DLGAP2: variants seen among roughly 807,000 people sequenced by gnomAD.
The protein encoded by DLGAP2 is DLG associated protein 2.
A neutral mutation model predicts 100.3 loss-of-function variants in DLGAP2; 26 were observed. The ratio of observed to expected loss-of-function variants is 0.26; its 90% confidence interval spans 0.19 to 0.36. The LOEUF (loss-of-function observed/expected upper bound fraction) is 0.36, where lower values mean the gene tolerates loss of function less well. Among genes scored for constraint, DLGAP2 ranks in the 10% least tolerant of loss-of-function variants. The pLI is 1.00. For synonymous variants in DLGAP2, 886 were observed against 630.1 expected (o/e 1.41, Z -6.08); for missense variants, 1,858 against 1,453.2 (o/e 1.28, Z -4.53).
At chr8:931,241 A>C (rs1372880904) in intron 2 of DLGAP2, among the ~76,000 whole-genome samples, 1 of 152,170 alleles carries the variant, frequency 6.6e-6, no homozygotes, top group African/African-American at 2.4e-5. Context: ...CAGCGTGTGC[A>C]GCTGACACGG....
chr8:848,899 TGCCTGTTCCAGCATAGGAA>T (rs1797123606), intron 1 of DLGAP2, among the ~76,000 whole-genome samples: 14 of 136,354 alleles, frequency 1.0e-4, no homozygotes, highest in East Asian at 3.3e-4. Flanking sequence ...GAACGCGCGG[TGCCTGTTCCAGCATAGGAA>T]CGCGCGGTGC....
At chr8:1,385,805 C>G (rs1335216923) in intron 3 of DLGAP2, among the ~76,000 whole-genome samples, 3 of 152,010 alleles carry the variant, frequency 2.0e-5, no homozygotes, top group African/African-American at 7.2e-5. Flanking sequence ...GTGCCCGGCC[C>G]CTGAGAACTT....
At chr8:1,645,006 G>T (rs1470894204) in intron 8 of DLGAP2, among the ~76,000 whole-genome samples, 1 of 152,188 alleles carries the variant, frequency 6.6e-6, no homozygotes, top group Non-Finnish European at 1.5e-5. Context: ...ACTTTGGAAG[G>T]GTCACTTAAG....
intron 4 of DLGAP2, among the ~76,000 whole-genome samples, chr8:1,507,504 C>G (rs1031801157): frequency 5.3e-5 from 8 of 152,180 alleles, no homozygotes; most frequent in Non-Finnish European, 1.0e-4. Flanking sequence ...GCCCACACCT[C>G]TCCCTCCACG....
chr8:1,267,394 C>G (rs778216912), intron 3 of DLGAP2, among the ~76,000 whole-genome samples: 1 of 150,414 alleles, frequency 6.6e-6, no homozygotes, highest in Non-Finnish European at 1.5e-5. Context: ...GGTGAAACCC[C>G]ATCTCTACTG....
At chr8:1,241,094 A>G (rs867885890) in intron 2 of DLGAP2, among the ~76,000 whole-genome samples, 7 of 83,992 alleles carry the variant, frequency 8.3e-5, no homozygotes, top group African/African-American at 3.4e-4. Context: ...TAGTTCTCTC[A>G]CATGGCGCCG....
At chr8:1,260,242 T>C (rs1481814047) in intron 3 of DLGAP2, among the ~76,000 whole-genome samples, 1 of 152,190 alleles carries the variant, frequency 6.6e-6, no homozygotes, top group African/African-American at 2.4e-5. Context: ...ATAACTTCCA[T>C]TGCCATTCCC....
intron 2 of DLGAP2, among the ~76,000 whole-genome samples, chr8:1,079,963 G>A (rs190263768): frequency 3.9e-5 from 6 of 152,336 alleles, no homozygotes; most frequent in Admixed American, 3.3e-4. Context: ...CCTCTCTAAC[G>A]TGGGTCCTGG....
At position 1,699,298 on chromosome 8, in the gene DLGAP2, C is replaced by T. The variant is rs184215654; in HGVS notation, c.2950-1890C>T. Among the ~76,000 whole-genome samples the T allele has an allele frequency of 2.4e-3, 363 of 151,920 alleles. 2 individuals carry two copies. The highest frequency in any genetic ancestry group is 8.1e-3 in the African/African-American group (336 of 41,436). On this transcript the variant is annotated intron_variant, in intron 14 of 14. Transcript: ENST00000637795. ...CATCCTGGCTAACACGGTGAAACCC[C>T]ATCTCTACTAAAAATACACAAAATT... is the stretch of plus-strand genomic sequence containing the variant.
intron 2 of DLGAP2, among the ~76,000 whole-genome samples, chr8:948,241 C>T (rs1584915091): frequency 6.6e-6 from 1 of 152,206 alleles, no homozygotes; most frequent in African/African-American, 2.4e-5. Context: ...GGAGGCTCCC[C>T]CTACGGCCCT....
chr8:1,091,326 T>C (rs1804174293), intron 2 of DLGAP2, among the ~76,000 whole-genome samples: 1 of 152,200 alleles, frequency 6.6e-6, no homozygotes, highest in South Asian at 2.1e-4. Flanking sequence ...TGTACAAAAA[T>C]GTTCAGAAGC....
At chr8:976,551 G>T (rs1472123471) in intron 2 of DLGAP2, among the ~76,000 whole-genome samples, 3 of 152,172 alleles carry the variant, frequency 2.0e-5, no homozygotes, top group Non-Finnish European at 4.4e-5. Context: ...GGTGGAGCTT[G>T]CAGTGAGGCG....
chr8:1,499,260 C>G (rs867260772), intron 3 of DLGAP2, among the ~76,000 whole-genome samples: 14 of 152,210 alleles, frequency 9.2e-5, no homozygotes, highest in Non-Finnish European at 1.6e-4. Flanking sequence ...GCGGAGTGCT[C>G]ATGCTTGTCA....
At chr8:1,536,700 C>T (rs114578847) in intron 4 of DLGAP2, among the ~76,000 whole-genome samples, 167 of 152,294 alleles carry the variant, frequency 1.1e-3, no homozygotes, top group African/African-American at 3.9e-3. Flanking sequence ...TCTGAACCCG[C>T]GTTTGGTCTC....
At chr8:1,517,245 A>C (rs969462302) in intron 4 of DLGAP2, among the ~76,000 whole-genome samples, 1 of 152,308 alleles carries the variant, frequency 6.6e-6, no homozygotes, top group South Asian at 2.1e-4. Flanking sequence ...GGGAGGAAGA[A>C]GTCAAGCCCT....
At chr8:1,149,940 T>C (rs1563217088) in intron 2 of DLGAP2, among the ~76,000 whole-genome samples, 1 of 152,270 alleles carries the variant, frequency 6.6e-6, no homozygotes, top group African/African-American at 2.4e-5. Flanking sequence ...ACTCCTCTGA[T>C]ATCTTCCTGC....
chr8:1,412,932 T>A lies in DLGAP2; in HGVS notation c.107-88434T>A, dbSNP rs79451347. On this transcript the variant is annotated intron_variant, in intron 3 of 14. Transcript: ENST00000637795. ...ACTTCCCTCCCTCCTGCTGGGAAAA[T>A]TCCTTCAATACCCAGCTCAAGTGTC... is the stretch of plus-strand genomic sequence containing the variant. Among the ~76,000 whole-genome samples the A allele has an allele frequency of 3.6e-3, 541 of 152,226 alleles. 10 individuals are homozygous for A. In the East Asian group the frequency reaches 0.049, roughly 14 times the overall value.
intron 1 of DLGAP2, among the ~76,000 whole-genome samples, chr8:890,147 G>A (rs981452788): frequency 6.6e-6 from 1 of 152,052 alleles, no homozygotes; most frequent in Non-Finnish European, 1.5e-5. Flanking sequence ...TGCTTATTTT[G>A]TTTTTTTCCG....
At chr8:844,436 C>T (rs1029294682) in intron 1 of DLGAP2, among the ~76,000 whole-genome samples, 1 of 152,194 alleles carries the variant, frequency 6.6e-6, no homozygotes, top group African/African-American at 2.4e-5. Context: ...CCTTTCCAGC[C>T]GTGCTGTCCT....
Sources: allele counts gnomAD v4.1 joint callset (sites outside exome capture counted in the v4.1 genomes callset), GRCh38; gene constraint gnomAD v4.1.1; transcripts MANE v1.5; gene names NCBI Gene and HGNC (gene_info 2026-07-23, HGNC 2026-07-21).